Variants in RGS6 observed in about 807,000 individuals in gnomAD.
RGS6 encodes regulator of G protein signaling 6.
In RGS6, 30 loss-of-function variants were observed where a neutral mutation model predicts 78.5. The observed-to-expected ratio is 0.38, with a 90% CI of 0.29 to 0.52. The LOEUF (loss-of-function observed/expected upper bound fraction) is 0.52. Ranked by LOEUF, RGS6 falls within the 20% of genes least tolerant of loss-of-function variation. RGS6 has a pLI of 0.85. For missense variants in RGS6, 495 were observed against 609.7 expected, an observed-to-expected ratio of 0.81 and a Z score of 1.98; for synonymous variants, 206 against 206.0, an observed-to-expected ratio of 1.00 and a Z score of 0.00.
intron 2 of RGS6, among the ~76,000 whole-genome samples, chr14:72,054,573 A>C (rs185055473): frequency 6.6e-6 from 1 of 152,232 alleles, no homozygotes; most frequent in African/African-American, 2.4e-5. Context: ...TTCTTGGTTC[A>C]TGACAAACCA....
chr14:72,160,549 T>A (rs1470614901), intron 2 of RGS6, among the ~76,000 whole-genome samples: 2 of 152,222 alleles, frequency 1.3e-5, no homozygotes, highest in East Asian at 3.8e-4. Context: ...TAACCCCCAG[T>A]ATCTCAGAAT....
the RGS6 span, among the ~76,000 whole-genome samples, chr14:72,619,145 C>T: frequency 6.2e-4 from 94 of 152,204 alleles, 1 homozygote; most frequent in Admixed American, 7.8e-4. Context: ...GATGCCTCAC[C>T]CTCTTCGTTC....
At chr14:72,503,956 C>T (rs989593071) in intron 13 of RGS6, among the ~76,000 whole-genome samples, 2 of 152,202 alleles carry the variant, frequency 1.3e-5, no homozygotes, top group Admixed American at 1.3e-4. Flanking sequence ...GGGTGCAGCC[C>T]ATATTGCAGC....
At chr14:71,962,467 A>C (rs777294086) in intron 1 of RGS6, among the ~76,000 whole-genome samples, 3 of 152,264 alleles carry the variant, frequency 2.0e-5, no homozygotes, top group Non-Finnish European at 2.9e-5. Flanking sequence ...ATGAGTATAT[A>C]TAAATGAACT....
At chr14:72,027,986 ATT>A (rs1294222655) in intron 2 of RGS6, among the ~76,000 whole-genome samples, 1 of 152,108 alleles carries the variant, frequency 6.6e-6, no homozygotes, top group African/African-American at 2.4e-5. Context: ...ATACACACTC[ATT>A]GTTTTCGTTT....
rs2096287696 is a variant in RGS6, at chr14:72,478,315, C to A, written c.840C>A (p.Ser280=). 2 of 1,608,872 alleles carry A rather than the reference C, an allele frequency of 1.2e-6. No individual in the cohort carries two copies. The highest frequency in any genetic ancestry group is 2.2e-5 in the South Asian group (2 of 90,734). ...AQIDRHCLKM[S]KVAESLIAYT... is the part of the protein sequence containing the mutation. ...TCGACAGACATTGTTTGAAAATGTC[C>A]AAAGTGGCTGAAAGGTATGTTTTCC... The change falls in exon 12 of 18, where the codon TCC becomes TCA. Residue 280 remains serine (S), a synonymous_variant. Transcript: ENST00000553525.
intron 13 of RGS6, among the ~76,000 whole-genome samples, chr14:72,498,642 C>T (rs978068314): frequency 6.6e-6 from 1 of 152,058 alleles, no homozygotes; most frequent in South Asian, 2.1e-4. Context: ...CTATCAGTAG[C>T]TGGTGAGGGT....
At chr14:72,562,364 T>C in intron 17 of RGS6, 53 bp from the exon 18 acceptor site, 3 of 1,565,600 alleles carry the variant, frequency 1.9e-6, no homozygotes, top group Non-Finnish European at 2.6e-6. Flanking sequence ...TCTCTGTCTC[T>C]GTCCCTCTGT....
chr14:72,559,673 G>C (rs565319239), intron 17 of RGS6, among the ~76,000 whole-genome samples: 26 of 152,348 alleles, frequency 1.7e-4, no homozygotes, highest in African/African-American at 6.0e-4. Flanking sequence ...TGGCCCCTAA[G>C]CTGGTCAGCT....
intron 2 of RGS6, among the ~76,000 whole-genome samples, chr14:72,083,830 A>G (rs2094920729): frequency 6.6e-6 from 1 of 152,166 alleles, no homozygotes; most frequent in African/African-American, 2.4e-5. Context: ...CTTGGGGAAA[A>G]TGGCACGAAT....
chr14:72,383,622 G>A (rs905367385), intron 3 of RGS6, among the ~76,000 whole-genome samples: 2 of 152,042 alleles, frequency 1.3e-5, no homozygotes, highest in Non-Finnish European at 2.9e-5. Context: ...ATGGGTCACC[G>A]GTCCCGTTCT....
the RGS6 span, among the ~76,000 whole-genome samples, chr14:71,918,112 C>T: frequency 7.5e-6 from 1 of 132,832 alleles, no homozygotes; most frequent in East Asian, 2.5e-4. Context: ...ACCCGGGGGG[C>T]GGAGCTTGCA....
At chr14:72,080,186 A>G (rs2094758172) in intron 2 of RGS6, among the ~76,000 whole-genome samples, 2 of 152,052 alleles carry the variant, frequency 1.3e-5, no homozygotes, top group Non-Finnish European at 2.9e-5. Flanking sequence ...TCTATATCCT[A>G]GCCACACATT....
intron 3 of RGS6, among the ~76,000 whole-genome samples, chr14:72,448,684 C>T (rs2095424265): frequency 6.6e-6 from 1 of 151,944 alleles, no homozygotes; most frequent in South Asian, 2.1e-4. Context: ...ATAATAGTAC[C>T]AATTATTATT....
intron 2 of RGS6, among the ~76,000 whole-genome samples, chr14:72,081,452 C>T (rs1417940591): frequency 2.0e-5 from 3 of 151,978 alleles, no homozygotes; most frequent in Non-Finnish European, 4.4e-5. Context: ...GAGTTTGTTT[C>T]TAAATTATCT....
At chr14:72,336,543 AGGGAGAGGCAGTGG>A (rs2076069796) in intron 2 of RGS6, among the ~76,000 whole-genome samples, 2 of 152,024 alleles carry the variant, frequency 1.3e-5, no homozygotes, top group African/African-American at 4.8e-5. Context: ...GAGCGCGCAT[AGGGAGAGGCAGTGG>A]GGAAGAGGAA....
the RGS6 span, among the ~76,000 whole-genome samples, chr14:71,917,494 A>C: frequency 6.6e-6 from 1 of 152,174 alleles, no homozygotes; most frequent in African/African-American, 2.4e-5. Flanking sequence ...GTCAAGCAAC[A>C]GGAGGTTTGG....
intron 17 of RGS6, chr14:72,541,650 CTCTTT>C: frequency 6.5e-7 from 1 of 1,532,766 alleles, no homozygotes. Context: ...CTCTGTTTGT[CTCTTT>C]TGAGGACTGG....
intron 2 of RGS6, among the ~76,000 whole-genome samples, chr14:72,168,765 C>T (rs2096966279): frequency 6.6e-6 from 1 of 152,214 alleles, no homozygotes; most frequent in South Asian, 2.1e-4. Context: ...TGCTAGGACA[C>T]ATCTCCTGCT....
Sources: allele counts gnomAD v4.1 joint callset (sites outside exome capture counted in the v4.1 genomes callset), GRCh38; gene constraint gnomAD v4.1.1; transcripts MANE v1.5; gene names NCBI Gene and HGNC (gene_info 2026-07-23, HGNC 2026-07-21).